Variants in NLRP8 observed in about 807,000 individuals in gnomAD.
The protein encoded by NLRP8 is NACHT, LRR and PYD domains-containing protein 8.
A neutral mutation model predicts 88.7 loss-of-function variants in NLRP8; 86 were observed. The observed-to-expected ratio is 0.97, with a 90% confidence interval of 0.81 to 1.16. The LOEUF (loss-of-function observed/expected upper bound fraction) is 1.16, where lower values mean the gene tolerates loss of function less well. Ranked by LOEUF, NLRP8 falls within the 50% of genes most tolerant of loss-of-function variation. NLRP8 has a pLI of 0.00. For missense variants in NLRP8, 1,342 were observed against 1,286.5 expected, an observed-to-expected ratio of 1.04 and a Z score of -0.66; for synonymous variants, 504 against 494.6, an observed-to-expected ratio of 1.02 and a Z score of -0.25.
rs147438810 is a variant in NLRP8 at position 55,988,084 on chromosome 19, C to T, written c.*171C>T. ...GAACCCTGGAGTGAGGACGGTGATGCCCTGTGTGTATTAATATGCTATGTA... is the reference window on the plus strand; with the variant it reads ...GAACCCTGGAGTGAGGACGGTGATGTCCTGTGTGTATTAATATGCTATGTA... On this transcript the variant is annotated 3_prime_UTR_variant, in exon 10 of 10. Transcript: ENST00000291971. 61 of 590,132 alleles carry T rather than the reference C, an allele frequency of 1.0e-4. No individual in the cohort carries two copies. In the East Asian group the frequency reaches 1.8e-3, roughly 17 times the overall value. The allele number at this position is 590,132 out of a possible 1,614,324, so 36.6% of individuals were successfully genotyped here. A position where few individuals can be genotyped will look rare whatever the true frequency, so the allele number is the denominator to read the frequency against.
intron 8 of NLRP8, among the ~76,000 whole-genome samples, chr19:55,976,848 G>C (rs986143402): frequency 6.6e-6 from 1 of 150,514 alleles, no homozygotes; most frequent in Non-Finnish European, 1.5e-5. Context: ...GGGAGGCTGA[G>C]GTGGGGCGGA....
In NLRP8 at chr19:55,988,452, A is replaced by ATATATATATG. The variant is rs1980972139; in HGVS notation, c.*548_*549insGTATATATAT. ...TATATATATGTGTGTGTGTATATATATATATATATATATATATGCTATATA... is the reference window on the plus strand; with the variant it reads ...TATATATATGTGTGTGTGTATATATATATATATATGTATATATATATATATATGCTATATA... On this transcript the variant is annotated 3_prime_UTR_variant, in exon 10 of 10. Transcript: ENST00000291971. 1 of 126,128 alleles carries ATATATATATG rather than the reference A, an allele frequency of 7.9e-6. No individual in the cohort carries two copies. Among genetic ancestry groups the ATATATATATG allele is most frequent in the Admixed American group, 7.9e-5 (1 of 12,640 alleles). 7.8% of individuals were successfully genotyped at this position (126,128 alleles called of 1,614,324 possible).
In NLRP8 at chr19:55,987,946, G is replaced by T; in HGVS notation, c.*33G>T. Reference sequence around the variant, plus strand: ...AGTCATCTTTCTCTGGGGCTTGATTGATCAGTTCCCACTCTGACAACTGGC... The same window carrying T: ...AGTCATCTTTCTCTGGGGCTTGATTTATCAGTTCCCACTCTGACAACTGGC... On this transcript the variant is annotated 3_prime_UTR_variant, in exon 10 of 10. Coordinates refer to ENST00000291971, the MANE Select transcript of NLRP8 (RefSeq NM_176811.2). The T allele has an allele frequency of 6.6e-7, 1 of 1,507,298 alleles. No homozygotes were observed. Among genetic ancestry groups the T allele is most frequent in the South Asian group, 1.1e-5 (1 of 88,778 alleles). 93.4% of individuals were successfully genotyped at this position (1,507,298 alleles called of 1,614,324 possible).
chr19:55,959,325 C>T lies in NLRP8; in HGVS notation c.2043-2742C>T, dbSNP rs554905620. The stretch of plus-strand genomic sequence containing the variant: ...CTCCCTGGTTCACGCCATTCTCCTG[C>T]CTCAGCCTCCCCAGTAGCTGGGACT... On this transcript the variant is annotated intron_variant, in intron 3 of 9. Coordinates refer to ENST00000291971, the MANE Select transcript of NLRP8 (RefSeq NM_176811.2). Among the ~76,000 whole-genome samples the T allele has an allele frequency of 3.9e-5, 6 of 151,968 alleles. No homozygotes were observed. In the South Asian group the frequency reaches 1.2e-3, roughly 32 times the overall value.
rs1291682937 is a variant in NLRP8 at position 55,969,712 on chromosome 19, A to T, written c.2382-832A>T. On this transcript the variant is annotated intron_variant, in intron 5 of 9. Transcript: ENST00000291971. The stretch of plus-strand genomic sequence containing the variant: ...CCATGTGCGAACCTTCTCTCAACAG[A>T]ATTTGTATGACCTCTCATTTTGTTT... 2.0e-5 allele frequency among the ~76,000 whole-genome samples: 3 copies of T among 152,154 alleles called. No individual in the cohort carries two copies. The East Asian group carries it at 5.8e-4, about 29-fold the overall frequency.
chr19:55,986,479 C>CACACACACACAT (rs1477714261), intron 9 of NLRP8, among the ~76,000 whole-genome samples: 6 of 139,380 alleles, frequency 4.3e-5, no homozygotes, highest in African/African-American at 1.3e-4. Context: ...CACATACACA[C>CACACACACACAT]ACACACACAC....
chr19:55,986,585 A>G (rs1288129349), intron 9 of NLRP8, among the ~76,000 whole-genome samples: 1 of 152,150 alleles, frequency 6.6e-6, no homozygotes, highest in Non-Finnish European at 1.5e-5. Context: ...TGGTAAAGGC[A>G]GCCTCTTGCC....
At chr19:55,966,138 C>A (rs1979826495) in intron 4 of NLRP8, 75 bp from the exon 5 acceptor site, 1 of 1,436,046 alleles carries the variant, frequency 7.0e-7, no homozygotes, top group East Asian at 2.3e-5. Flanking sequence ...CTTCCGGGAG[C>A]CTCGTTTGTG....
In NLRP8 at chr19:55,976,265, G is replaced by A. The variant is rs747603413; in HGVS notation, c.2838G>A (p.Glu946=). ...ATGATGGGGTGATCCTGCTGTGTGA[G>A]GCCCTGAAGAACCCTGACTGTACAT... Residue 946 remains glutamate, a synonymous_variant, in exon 8 of 10, where the codon GAG becomes GAA. Transcript: ENST00000291971. The A allele has an allele frequency of 1.2e-6, 2 of 1,612,842 alleles. No homozygotes were observed. Among genetic ancestry groups the A allele is most frequent in the African/African-American group, 1.3e-5 (1 of 74,846 alleles).
At chr19:55,972,554 A>C (rs539133836) in intron 6 of NLRP8, among the ~76,000 whole-genome samples, 1 of 151,772 alleles carries the variant, frequency 6.6e-6, no homozygotes, top group African/African-American at 2.4e-5. Context: ...ACTGTACCCA[A>C]TGTGTAGTCT....
At chr19:55,953,464 T>C (rs182805198) in intron 2 of NLRP8, among the ~76,000 whole-genome samples, 7 of 151,772 alleles carry the variant, frequency 4.6e-5, no homozygotes, top group African/African-American at 1.7e-4. Flanking sequence ...ACCACTTCAA[T>C]AGAGTGTGTC....
At chr19:55,981,401 G>T (rs995397928) in intron 9 of NLRP8, among the ~76,000 whole-genome samples, 2 of 152,082 alleles carry the variant, frequency 1.3e-5, no homozygotes, top group African/African-American at 4.8e-5. Context: ...ACTGCATTGG[G>T]GGCACCAAGG....
rs201546502 is a variant in NLRP8 at position 55,954,522 on chromosome 19, C to T, written c.464C>T (p.Ser155Leu). The change falls in exon 3 of 10, where the codon TCG becomes TTG. Residue 155 changes from serine to leucine, a missense_variant. Physicochemically the swap from Ser to Leu is moderately radical, Grantham distance 145. Transcript: ENST00000291971. Reference sequence around the variant, plus strand: ...CTAGGTAAAATACGGCGGTATAAATCGAATGTGATGGAAAAGTTTTTCCCC... The same window carrying T: ...CTAGGTAAAATACGGCGGTATAAATTGAATGTGATGGAAAAGTTTTTCCCC... 34 of 1,613,646 alleles carry T rather than the reference C, an allele frequency of 2.1e-5. No individual in the cohort carries two copies. The highest frequency in any genetic ancestry group is 1.8e-4 in the East Asian group (8 of 44,894).
intron 6 of NLRP8, among the ~76,000 whole-genome samples, chr19:55,972,213 C>T (rs888637148): frequency 6.7e-6 from 1 of 150,194 alleles, no homozygotes; most frequent in Non-Finnish European, 1.5e-5. Flanking sequence ...CTCCCTGCTT[C>T]AAGTGATTCT....
Position 55,987,993 on chromosome 19 carries a change from T to C in NLRP8, c.*80T>C. On this transcript the variant is annotated 3_prime_UTR_variant, in exon 10 of 10. Transcript: ENST00000291971. Reference sequence around the variant, plus strand: ...TGGCAAATACCAGGCGTTATCATCCTGTATGCATTAACGTACTTTCCCCTG... The same window carrying C: ...TGGCAAATACCAGGCGTTATCATCCCGTATGCATTAACGTACTTTCCCCTG... 9.5e-7 allele frequency: 1 copy of C among 1,056,428 alleles called. No homozygotes were observed. The highest frequency in any genetic ancestry group is 1.5e-6 in the Non-Finnish European group (1 of 680,920). The allele number at this position is 1,056,428 out of a possible 1,614,324, so 65.4% of individuals were successfully genotyped here.
chr19:55,964,615 G>C (rs1271571867), intron 4 of NLRP8, among the ~76,000 whole-genome samples: 1 of 152,036 alleles, frequency 6.6e-6, no homozygotes, highest in Non-Finnish European at 1.5e-5. Context: ...AGCTTGGTGT[G>C]GTGGTGCACA....
At chr19:55,962,693 T>C (rs1979668898) in intron 4 of NLRP8, among the ~76,000 whole-genome samples, 1 of 152,012 alleles carries the variant, frequency 6.6e-6, no homozygotes, top group South Asian at 2.1e-4. Flanking sequence ...GGTGGGAGGA[T>C]CACCCGAGCC....
intron 7 of NLRP8, among the ~76,000 whole-genome samples, chr19:55,974,086 T>G (rs892720293): frequency 3.3e-4 from 50 of 151,960 alleles, no homozygotes; most frequent in African/African-American, 1.2e-3. Flanking sequence ...TATTTTAAAT[T>G]TAAGGAATAT....
intron 1 of NLRP8, among the ~76,000 whole-genome samples, chr19:55,950,280 G>A (rs1005735725): frequency 4.0e-5 from 6 of 150,782 alleles, no homozygotes; most frequent in East Asian, 1.9e-4. Context: ...ATAGCCGGGC[G>A]TGGTGACGGG....
Sources: allele counts gnomAD v4.1 joint callset (sites outside exome capture counted in the v4.1 genomes callset), GRCh38; gene constraint gnomAD v4.1.1; transcripts MANE v1.5; gene names NCBI Gene and HGNC (gene_info 2026-07-23, HGNC 2026-07-21).